The following PDE3B variants were observed in gnomAD, a reference collection of about 807,000 sequenced individuals.
The protein encoded by PDE3B is cGMP-inhibited 3',5'-cyclic phosphodiesterase 3B.
Under a neutral mutation model 116.8 loss-of-function variants are expected in PDE3B, and 66 were observed. The observed-to-expected ratio is 0.56, with a 90% CI of 0.46 to 0.69. The LOEUF (loss-of-function observed/expected upper bound fraction) is 0.69. PDE3B is among the 30% of genes least tolerant of loss of function. The probability of loss-of-function intolerance (pLI) is 0.00; values close to 1 mark genes in which losing one functional copy is unlikely to be tolerated. For synonymous variants in PDE3B, 595 were observed against 533.6 expected (o/e 1.12, Z -1.59); for missense variants, 1,384 against 1,368.1 (o/e 1.01, Z -0.18).
intron 12 of PDE3B, among the ~76,000 whole-genome samples, chr11:14,857,291 G>T (rs964203657): frequency 9.2e-4 from 140 of 152,310 alleles, no homozygotes; most frequent in African/African-American, 3.2e-3. Flanking sequence ...GCTTCTAAGA[G>T]CCCGCAGTAA....
intron 1 of PDE3B, among the ~76,000 whole-genome samples, chr11:14,706,611 A>G (rs1855542667): frequency 6.6e-6 from 1 of 151,984 alleles, no homozygotes; most frequent in Non-Finnish European, 1.5e-5. Context: ...ATTTTAATAT[A>G]TGTGTTACTA....
At chr11:14,659,764 C>A (rs370364231) in intron 1 of PDE3B, among the ~76,000 whole-genome samples, 7 of 152,258 alleles carry the variant, frequency 4.6e-5, no homozygotes, top group African/African-American at 1.7e-4. Context: ...CAAGTAATAT[C>A]TTTTTAATTC....
intron 1 of PDE3B, among the ~76,000 whole-genome samples, chr11:14,655,305 A>G (rs1190052975): frequency 6.6e-6 from 1 of 152,220 alleles, no homozygotes; most frequent in Admixed American, 6.5e-5. Context: ...GTAGATACCT[A>G]ATAACATAAA....
rs772636547 is a variant in PDE3B at position 14,644,935 on chromosome 11, C to CTG, written c.863_864dup (p.Ile289Ter). The CTG allele has an allele frequency of 6.2e-7, 1 of 1,614,168 alleles. No individual in the cohort carries two copies. The highest frequency in any genetic ancestry group is 8.5e-7 in the Non-Finnish European group (1 of 1,180,036). On this transcript the variant is annotated frameshift_variant, in exon 1 of 16. Coordinates refer to ENST00000282096, the MANE Select transcript of PDE3B (RefSeq NM_000922.4). LOFTEE classifies it high-confidence loss of function. The stretch of plus-strand genomic sequence containing the variant: ...TCCAGTGCCGCCGAAGAAAAAGTGC[C>CTG]TGTGATCCGACCCCGGAGGAGGTCC...
rs555332557 is a variant in PDE3B, at chr11:14,781,306, G to C, written c.1030-5131G>C. On this transcript the variant is annotated intron_variant, in intron 2 of 15. Transcript: ENST00000282096. ...GAAAAAGAGGGAATCCTCCCTAACT[G>C]ATTTTATGAGGCCAGCAGCATCCTG... Among the ~76,000 whole-genome samples the C allele has an allele frequency of 8.5e-5, 13 of 152,198 alleles. No individual in the cohort carries two copies. The South Asian group carries it at 1.9e-3, about 22-fold the overall frequency.
intron 1 of PDE3B, among the ~76,000 whole-genome samples, chr11:14,705,961 C>A (rs541615994): frequency 6.6e-6 from 1 of 151,966 alleles, no homozygotes; most frequent in African/African-American, 2.4e-5. Flanking sequence ...CACTTCAAAT[C>A]TTTTATGTGT....
intron 14 of PDE3B, among the ~76,000 whole-genome samples, chr11:14,865,653 T>A (rs752288155): frequency 1.5e-4 from 23 of 152,182 alleles, no homozygotes; most frequent in Non-Finnish European, 2.9e-4. Flanking sequence ...TTAAATTATA[T>A]TTAATTTCGG....
At position 14,854,110 on chromosome 11, in the gene PDE3B, G is replaced by A. The variant is rs183797280; in HGVS notation, c.2521-4933G>A. ...AAAAGTTTTTTTTATAACATTTCTG[G>A]AAAATGAAAAATGGATGAATATTGA... is the stretch of plus-strand genomic sequence containing the variant. On this transcript the variant is annotated intron_variant, in intron 12 of 15. Transcript: ENST00000282096. 2.0e-3 allele frequency among the ~76,000 whole-genome samples: 299 copies of A among 152,166 alleles called. 1 individual carries two copies. Among genetic ancestry groups the A allele is most frequent in the African/African-American group, 6.6e-3 (275 of 41,522 alleles).
At chr11:14,779,477 A>G (rs1223639034) in intron 2 of PDE3B, among the ~76,000 whole-genome samples, 2 of 152,286 alleles carry the variant, frequency 1.3e-5, no homozygotes, top group Non-Finnish European at 2.9e-5. Flanking sequence ...CTCTCGGCAG[A>G]AACTCTACAA....
At chr11:14,756,100 T>G (rs1414525621) in intron 1 of PDE3B, among the ~76,000 whole-genome samples, 1 of 152,214 alleles carries the variant, frequency 6.6e-6, no homozygotes, top group Admixed American at 6.5e-5. Flanking sequence ...TAAACATTGG[T>G]ATAACTGAAA....
At chr11:14,647,734 G>T (rs1320361108) in intron 1 of PDE3B, among the ~76,000 whole-genome samples, 2 of 151,862 alleles carry the variant, frequency 1.3e-5, no homozygotes, top group Non-Finnish European at 2.9e-5. Flanking sequence ...CTCTTTGAAA[G>T]CCACTTAAAC....
intron 5 of PDE3B, among the ~76,000 whole-genome samples, chr11:14,817,416 C>A (rs1053773290): frequency 2.0e-5 from 3 of 151,926 alleles, no homozygotes; most frequent in Non-Finnish European, 4.4e-5. Context: ...GCACATGTAC[C>A]TTAGAACTTA....
At chr11:14,675,074 T>A (rs913027869) in intron 1 of PDE3B, among the ~76,000 whole-genome samples, 5 of 152,226 alleles carry the variant, frequency 3.3e-5, no homozygotes, top group African/African-American at 1.2e-4. Flanking sequence ...TTGCTTTTAA[T>A]GTATATCTTC....
chr11:14,861,637 C>T (rs550872855), intron 14 of PDE3B, among the ~76,000 whole-genome samples: 3 of 152,240 alleles, frequency 2.0e-5, no homozygotes, highest in South Asian at 2.1e-4. Flanking sequence ...GCCGCAAATC[C>T]GAGTTTGCAG....
At chr11:14,747,288 A>AT (rs1438471978) in intron 1 of PDE3B, among the ~76,000 whole-genome samples, 1 of 152,204 alleles carries the variant, frequency 6.6e-6, no homozygotes, top group African/African-American at 2.4e-5. Flanking sequence ...AGGGATAAAC[A>AT]TCCAAACCAT....
chr11:14,748,051 T>C (rs1221407058), intron 1 of PDE3B, among the ~76,000 whole-genome samples: 1 of 152,250 alleles, frequency 6.6e-6, no homozygotes, highest in Non-Finnish European at 1.5e-5. Flanking sequence ...TATTATATTG[T>C]AAATGAGTGT....
chr11:14,710,240 T>C (rs972235277), intron 1 of PDE3B, among the ~76,000 whole-genome samples: 22 of 152,194 alleles, frequency 1.4e-4, no homozygotes, highest in African/African-American at 3.1e-4. Context: ...TGAGATAGTG[T>C]ATATAAAGGT....
At chr11:14,821,600 C>A (rs924725368) in intron 7 of PDE3B, among the ~76,000 whole-genome samples, 1 of 151,996 alleles carries the variant, frequency 6.6e-6, no homozygotes. Context: ...ATTGCCTTAC[C>A]TTACCAAGAA....
intron 1 of PDE3B, among the ~76,000 whole-genome samples, chr11:14,769,665 A>T (rs925763622): frequency 6.8e-6 from 1 of 147,610 alleles, no homozygotes; most frequent in Non-Finnish European, 1.5e-5. Flanking sequence ...TAAATATTAT[A>T]TATACATATA....
Sources: gnomAD v4.1 joint callset for allele counts (sites outside exome capture counted in the v4.1 genomes callset) on GRCh38, gnomAD v4.1.1 for gene constraint, MANE v1.5 for transcripts, NCBI Gene and HGNC (gene_info 2026-07-23, HGNC 2026-07-21) for gene names.